The following SAMD4A variants were observed in gnomAD, a reference collection of about 807,000 sequenced individuals.
The protein encoded by SAMD4A is sterile alpha motif domain containing 4A.
In SAMD4A, 33 loss-of-function variants were observed where a neutral mutation model predicts 81.3. That is an observed-to-expected ratio of 0.41 (90% CI 0.31 to 0.54). The LOEUF (loss-of-function observed/expected upper bound fraction) is 0.54, where lower values mean the gene tolerates loss of function less well. Among genes scored for constraint, SAMD4A ranks in the 20% least tolerant of loss-of-function variants. The pLI is 0.37. For synonymous variants in SAMD4A, 389 were observed against 382.1 expected (o/e 1.02, Z -0.21); for missense variants, 854 against 951.1 (o/e 0.90, Z 1.34).
At chr14:54,747,952 G>A (rs2038007338) in intron 4 of SAMD4A, among the ~76,000 whole-genome samples, 1 of 152,232 alleles carries the variant, frequency 6.6e-6, no homozygotes, top group African/African-American at 2.4e-5. Context: ...TAGTTCTCCT[G>A]TGGATTTTCA....
At chr14:54,734,629 T>G (rs1036455493) in intron 3 of SAMD4A, among the ~76,000 whole-genome samples, 6 of 152,284 alleles carry the variant, frequency 3.9e-5, no homozygotes, top group Non-Finnish European at 7.4e-5. Flanking sequence ...CCAATCTCAA[T>G]AGCCAGTGAA....
At chr14:54,788,645 C>T (rs943258238) in intron 12 of SAMD4A, among the ~76,000 whole-genome samples, 1 of 152,214 alleles carries the variant, frequency 6.6e-6, no homozygotes, top group African/African-American at 2.4e-5. Context: ...TGTCTGTCTA[C>T]ATGTCTGTGT....
intron 2 of SAMD4A, among the ~76,000 whole-genome samples, chr14:54,663,674 T>C (rs1373786862): frequency 6.6e-6 from 1 of 152,240 alleles, no homozygotes; most frequent in Non-Finnish European, 1.5e-5. Context: ...TAGAGACTGT[T>C]AGGTCTCACG....
chr14:54,705,046 T>C (rs1337083814), intron 3 of SAMD4A, among the ~76,000 whole-genome samples: 1 of 152,162 alleles, frequency 6.6e-6, no homozygotes, highest in Non-Finnish European at 1.5e-5. Flanking sequence ...TAATTTAACC[T>C]CTCTGATCAA....
chr14:54,754,239 G>A (rs544592979), intron 6 of SAMD4A, among the ~76,000 whole-genome samples: 9 of 152,302 alleles, frequency 5.9e-5, no homozygotes, highest in Admixed American at 3.9e-4. Flanking sequence ...GATGTTTTCC[G>A]TGTCCCAGAT....
chr14:54,604,798 ATAGT>A (rs1214921401), intron 2 of SAMD4A, among the ~76,000 whole-genome samples: 1 of 152,246 alleles, frequency 6.6e-6, no homozygotes, highest in Non-Finnish European at 1.5e-5. Context: ...ATTAATATGT[ATAGT>A]TAAAGATTAA....
At chr14:54,571,375 C>T (rs543303433) in intron 2 of SAMD4A, among the ~76,000 whole-genome samples, 29 of 152,296 alleles carry the variant, frequency 1.9e-4, no homozygotes, top group South Asian at 1.9e-3. Flanking sequence ...AGCTACTGCT[C>T]CAGTTGAACA....
At position 54,739,055 on chromosome 14, in the gene SAMD4A, C is replaced by CTTTTTTTTTTTTTTTTTTTTTTTTTTTT. The variant is rs3051648; in HGVS notation, c.979+1787_979+1788insTTTTTTTTTTTTTTTTTTTTTTTTTTTT. ...TACTTTGTTTTCTTTCTTTCCTTTTCTTTTTTTTTTTTTTTTTTTGAGGCC... is the reference window on the plus strand; with the variant it reads ...TACTTTGTTTTCTTTCTTTCCTTTTCTTTTTTTTTTTTTTTTTTTTTTTTTTTTTTTTTTTTTTTTTTTTTTTGAGGCC... On this transcript the variant is annotated intron_variant, in intron 4 of 12. Coordinates refer to ENST00000554335, the MANE Select transcript of SAMD4A (RefSeq NM_015589.6). Among the ~76,000 whole-genome samples the CTTTTTTTTTTTTTTTTTTTTTTTTTTTT allele has an allele frequency of 2.8e-4, 27 of 97,352 alleles. 1 individual carries two copies. The highest frequency in any genetic ancestry group is 1.3e-3 in the African/African-American group (27 of 20,660). 63.9% of individuals were successfully genotyped at this position (97,352 alleles called of 152,430 possible).
intron 2 of SAMD4A, among the ~76,000 whole-genome samples, chr14:54,615,639 A>G (rs967918564): frequency 2.0e-5 from 3 of 152,192 alleles, no homozygotes; most frequent in African/African-American, 4.8e-5. Flanking sequence ...CTATTTATAA[A>G]TGAACTTTTA....
intron 11 of SAMD4A, among the ~76,000 whole-genome samples, chr14:54,779,461 T>C (rs1440633551): frequency 6.6e-6 from 1 of 152,238 alleles, no homozygotes; most frequent in East Asian, 1.9e-4. Context: ...TGAAGGATGC[T>C]TTCATTCTGT....
At chr14:54,589,211 A>G (rs796483183) in intron 2 of SAMD4A, among the ~76,000 whole-genome samples, 2 of 152,224 alleles carry the variant, frequency 1.3e-5, no homozygotes, top group African/African-American at 4.8e-5. Context: ...TGTGGGTGAA[A>G]TTTTCTGAAG....
chr14:54,774,853 C>T (rs565015757), intron 9 of SAMD4A, 81 bp from the exon 10 acceptor site: 31 of 1,321,100 alleles, frequency 2.3e-5, no homozygotes, highest in Non-Finnish European at 3.0e-5. Context: ...ACCTCCAAGG[C>T]GACATCCCTT....
At chr14:54,625,409 A>T (rs899150710) in intron 2 of SAMD4A, among the ~76,000 whole-genome samples, 4 of 152,206 alleles carry the variant, frequency 2.6e-5, no homozygotes, top group African/African-American at 9.7e-5. Flanking sequence ...TAGGGAATGG[A>T]ATGTAAACAT....
chr14:54,608,944 A>G (rs1387889392), intron 2 of SAMD4A, among the ~76,000 whole-genome samples: 1 of 152,256 alleles, frequency 6.6e-6, no homozygotes, highest in Non-Finnish European at 1.5e-5. Flanking sequence ...ACTTAACAAG[A>G]ATAAGTAAAA....
At chr14:54,733,615 A>AT (rs1246722904) in intron 3 of SAMD4A, among the ~76,000 whole-genome samples, 14 of 151,716 alleles carry the variant, frequency 9.2e-5, no homozygotes, top group East Asian at 3.9e-4. Context: ...CTAGGTTGAG[A>AT]TTTTTTTTTA....
In SAMD4A at chr14:54,654,110, T is replaced by C. The variant is rs76098106; in HGVS notation, c.197-47952T>C. On this transcript the variant is annotated intron_variant, in intron 2 of 12. Transcript: ENST00000554335. The stretch of plus-strand genomic sequence containing the variant: ...CTCAGGAATTATGTTTTGCTCCAAG[T>C]CGTTTCAGTTGACGTATTCATTCCT... Among the ~76,000 whole-genome samples the C allele has an allele frequency of 6.9e-3, 1,050 of 152,344 alleles. 11 individuals carry two copies. Among genetic ancestry groups the C allele is most frequent in the African/African-American group, 0.024 (997 of 41,578 alleles).
chr14:54,737,546 T>TA (rs2037729858), intron 4 of SAMD4A, among the ~76,000 whole-genome samples: 1 of 138,780 alleles, frequency 7.2e-6, no homozygotes, highest in African/African-American at 2.8e-5. Context: ...CTCTCTCTTT[T>TA]TTTTTTTTTT....
At chr14:54,679,576 G>A (rs574918390) in intron 2 of SAMD4A, among the ~76,000 whole-genome samples, 12 of 152,244 alleles carry the variant, frequency 7.9e-5, no homozygotes, top group Admixed American at 2.6e-4. Context: ...TTAAATGAGG[G>A]CATCCAAAGT....
At chr14:54,674,261 T>C (rs2035943891) in intron 2 of SAMD4A, among the ~76,000 whole-genome samples, 1 of 152,224 alleles carries the variant, frequency 6.6e-6, no homozygotes, top group Non-Finnish European at 1.5e-5. Context: ...GCCAAGTAAG[T>C]TTATTCCATT....
Sources: gnomAD v4.1 joint callset for allele counts (sites outside exome capture counted in the v4.1 genomes callset) on GRCh38, gnomAD v4.1.1 for gene constraint, MANE v1.5 for transcripts, NCBI Gene and HGNC (gene_info 2026-07-23, HGNC 2026-07-21) for gene names.